Variants in MTUS1 observed in about 807,000 individuals in gnomAD.
MTUS1 encodes microtubule associated scaffold protein 1, also known as microtubule-associated tumor suppressor 1.
A neutral mutation model predicts 120.8 loss-of-function variants in MTUS1; 109 were observed. The ratio of observed to expected loss-of-function variants is 0.90; its 90% CI spans 0.77 to 1.06. MTUS1 has a LOEUF of 1.06. Ranked by LOEUF, MTUS1 falls within the 50% of genes least tolerant of loss-of-function variation. The pLI is 0.00. For missense variants in MTUS1, 2,210 were observed against 1,486.3 expected (o/e 1.49, Z -8.01); for synonymous variants, 737 against 550.5 (o/e 1.34, Z -4.74).
At chr8:17,657,840 A>C (rs1298809142) in intron 8 of MTUS1, among the ~76,000 whole-genome samples, 3 of 150,584 alleles carry the variant, frequency 2.0e-5, no homozygotes, top group African/African-American at 7.3e-5. Context: ...TGAAAGGTTA[A>C]AAAAATTTAT....
At chr8:17,766,645 A>G (rs114451068) in intron 1 of MTUS1, among the ~76,000 whole-genome samples, 1,586 of 152,288 alleles carry the variant, frequency 0.01, 31 homozygotes, top group African/African-American at 0.036. Context: ...GTAAGAAAGT[A>G]TTGTCCTGGT....
chr8:17,658,146 T>C (rs149857183), intron 8 of MTUS1, among the ~76,000 whole-genome samples: 4,018 of 151,862 alleles, frequency 0.026, 143 homozygotes, highest in South Asian at 0.13. Context: ...CAAGCGATTC[T>C]CCTGCCTCAG....
chr8:17,737,827 T>C (rs2047039311), intron 3 of MTUS1, among the ~76,000 whole-genome samples: 1 of 152,232 alleles, frequency 6.6e-6, no homozygotes, highest in Non-Finnish European at 1.5e-5. Context: ...TAATAACCTC[T>C]GATTTTTAGT....
intron 6 of MTUS1, among the ~76,000 whole-genome samples, chr8:17,702,131 C>G (rs1819219724): frequency 6.6e-6 from 1 of 152,114 alleles, no homozygotes; most frequent in Non-Finnish European, 1.5e-5. Context: ...TTCCTAGGAC[C>G]AATTCTGAAA....
chr8:17,653,734 A>G (rs906374199), intron 10 of MTUS1: 16 of 441,520 alleles, frequency 3.6e-5, no homozygotes, highest in Non-Finnish European at 5.2e-5. Flanking sequence ...GAAGCCCACC[A>G]TGGCCCACAG....
intron 6 of MTUS1, among the ~76,000 whole-genome samples, chr8:17,711,642 G>A (rs950503678): frequency 6.6e-6 from 1 of 152,158 alleles, no homozygotes; most frequent in Non-Finnish European, 1.5e-5. Flanking sequence ...CACTAGAGGA[G>A]CACTTTTAAT....
At chr8:17,797,412 C>CA (rs1357975925) in intron 1 of MTUS1, among the ~76,000 whole-genome samples, 3 of 143,366 alleles carry the variant, frequency 2.1e-5, no homozygotes, top group Non-Finnish European at 4.5e-5. Flanking sequence ...TATCCCGTCT[C>CA]AAAAAATAAA....
At chr8:17,785,388 T>C (rs529455757) in intron 1 of MTUS1, among the ~76,000 whole-genome samples, 5 of 152,320 alleles carry the variant, frequency 3.3e-5, no homozygotes, top group Admixed American at 6.5e-5. Flanking sequence ...GACTAAGGCA[T>C]AGGCAGGTGA....
intron 4 of MTUS1, chr8:17,722,023 G>T: frequency 7.2e-7 from 1 of 1,388,106 alleles, no homozygotes; most frequent in Non-Finnish European, 9.3e-7. Context: ...TAAGCTCCAA[G>T]GCACTACACA....
At chr8:17,762,824 G>A (rs900074983) in intron 1 of MTUS1, among the ~76,000 whole-genome samples, 2 of 152,120 alleles carry the variant, frequency 1.3e-5, no homozygotes, top group African/African-American at 4.8e-5. Context: ...CAAGGATGGG[G>A]CCTGAGATTC....
chr8:17,798,558 C>T (rs763330955), intron 1 of MTUS1, among the ~76,000 whole-genome samples: 9 of 152,118 alleles, frequency 5.9e-5, no homozygotes, highest in Non-Finnish European at 1.3e-4. Flanking sequence ...GGTCTCGAAC[C>T]CCTGACCTCC....
intron 6 of MTUS1, among the ~76,000 whole-genome samples, chr8:17,698,438 AAT>A (rs1818399143): frequency 6.6e-6 from 1 of 152,236 alleles, no homozygotes; most frequent in African/African-American, 2.4e-5. Flanking sequence ...TAACAACAAC[AAT>A]ATGCCCACTT....
intron 2 of MTUS1, among the ~76,000 whole-genome samples, chr8:17,744,964 C>T (rs1180042429): frequency 6.6e-6 from 1 of 152,148 alleles, no homozygotes; most frequent in Admixed American, 6.5e-5. Context: ...GACTGATGTC[C>T]TCTGTCTCCC....
intron 1 of MTUS1, among the ~76,000 whole-genome samples, chr8:17,792,904 G>A (rs2051918600): frequency 6.6e-6 from 1 of 152,090 alleles, no homozygotes; most frequent in Non-Finnish European, 1.5e-5. Context: ...CCCTTAAACA[G>A]AAAATACTTC....
At position 17,723,848 on chromosome 8, in the gene MTUS1, A is replaced by G. The variant is rs1184025366; in HGVS notation, c.2288-15T>C. The G allele has an allele frequency of 1.5e-5, 23 of 1,538,256 alleles. No individual in the cohort carries two copies. The highest frequency in any genetic ancestry group is 1.8e-5 in the Non-Finnish European group (21 of 1,144,308). ...TGTAGGCTTTCCTTGGGGTTTAAAA[A>G]AAACAAAAAGTTTCCAGTGCTATTC... On this transcript the variant is annotated splice_polypyrimidine_tract_variant and intron_variant, in intron 3 of 14. Coordinates refer to ENST00000693296, the MANE Select transcript of MTUS1 (RefSeq NM_001363059.2).
chr8:17,680,222 G>A (rs1814070871), intron 7 of MTUS1, among the ~76,000 whole-genome samples: 1 of 152,004 alleles, frequency 6.6e-6, no homozygotes, highest in African/African-American at 2.4e-5. Flanking sequence ...CCAGCACTTT[G>A]GAAGGCCGAG....
chr8:17,761,056 T>C (rs1188720994), intron 1 of MTUS1, among the ~76,000 whole-genome samples: 2 of 152,102 alleles, frequency 1.3e-5, no homozygotes, highest in African/African-American at 2.4e-5. Context: ...AGAGAACAAA[T>C]TCCCCACTTA....
intron 6 of MTUS1, among the ~76,000 whole-genome samples, chr8:17,685,616 T>C (rs1329687538): frequency 6.6e-6 from 1 of 152,182 alleles, no homozygotes; most frequent in African/African-American, 2.4e-5. Flanking sequence ...GCTACTACAG[T>C]GATTGCTTAA....
intron 1 of MTUS1, among the ~76,000 whole-genome samples, chr8:17,781,427 A>C (rs1228866368): frequency 6.6e-6 from 1 of 152,216 alleles, no homozygotes; most frequent in African/African-American, 2.4e-5. Context: ...GTTTTGAAAC[A>C]AGGCTTCACT....
Sources: allele counts gnomAD v4.1 joint callset (sites outside exome capture counted in the v4.1 genomes callset), GRCh38; gene constraint gnomAD v4.1.1; transcripts MANE v1.5; gene names NCBI Gene and HGNC (gene_info 2026-07-23, HGNC 2026-07-21).